Variants in PATJ observed in about 807,000 individuals in gnomAD.
PATJ encodes the protein PATJ crumbs cell polarity complex component.
In PATJ, 190 loss-of-function variants were observed where a neutral mutation model predicts 224.9. The ratio of observed to expected loss-of-function variants is 0.84; its 90% CI spans 0.75 to 0.95. The LOEUF (loss-of-function observed/expected upper bound fraction) is 0.95, where lower values mean the gene tolerates loss of function less well. Ranked by LOEUF, PATJ falls within the 40% of genes least tolerant of loss-of-function variation. PATJ has a pLI of 0.00. For missense variants in PATJ, 2,121 were observed against 2,270.3 expected (o/e 0.93, Z 1.34); for synonymous variants, 769 against 820.3 (o/e 0.94, Z 1.07).
intron 32 of PATJ, among the ~76,000 whole-genome samples, chr1:62,083,977 G>A (rs1659615025): frequency 6.6e-6 from 1 of 152,170 alleles, no homozygotes; most frequent in Non-Finnish European, 1.5e-5. Flanking sequence ...CTTTTAGCCA[G>A]GTGCAGTGGC....
At chr1:61,967,613 C>T (rs1401534636) in intron 27 of PATJ, among the ~76,000 whole-genome samples, 1 of 152,316 alleles carries the variant, frequency 6.6e-6, no homozygotes, top group African/African-American at 2.4e-5. Context: ...TAATCCTTCT[C>T]AGCTTCACTG....
Position 62,148,273 on chromosome 1 carries a change from T to A in PATJ, c.5272-11T>A. ...TTATAATGAAATACCTTTTTTTCAC[T>A]TTTTCCCCAGGTTGTAGCAGATACC... On this transcript the variant is annotated splice_polypyrimidine_tract_variant and intron_variant, in intron 41 of 43. Transcript: ENST00000642238. 6.3e-7 allele frequency: 1 copy of A among 1,598,054 alleles called. No individual in the cohort carries two copies. Among genetic ancestry groups the A allele is most frequent in the Non-Finnish European group, 8.6e-7 (1 of 1,165,608 alleles).
intron 25 of PATJ, among the ~76,000 whole-genome samples, chr1:61,912,069 G>A (rs1043310555): frequency 2.6e-5 from 4 of 151,078 alleles, no homozygotes; most frequent in Admixed American, 6.6e-5. Context: ...ATCATCACGT[G>A]TTGCTTTCTT....
chr1:62,131,677 G>A (rs555312723), intron 41 of PATJ, among the ~76,000 whole-genome samples: 6 of 151,944 alleles, frequency 3.9e-5, no homozygotes, highest in East Asian at 1.9e-4. Flanking sequence ...GAAACTAGCT[G>A]CTCGGAGGAT....
At chr1:61,744,872 C>T (rs1644946718) in intron 1 of PATJ, among the ~76,000 whole-genome samples, 1 of 152,310 alleles carries the variant, frequency 6.6e-6, no homozygotes. Context: ...CCATAACTCC[C>T]TCCTCTGGGT....
At chr1:61,783,232 A>G (rs1228179314) in intron 7 of PATJ, among the ~76,000 whole-genome samples, 1 of 152,226 alleles carries the variant, frequency 6.6e-6, no homozygotes, top group Non-Finnish European at 1.5e-5. Flanking sequence ...TGAGTAGGAT[A>G]GGATAGTTTC....
intron 21 of PATJ, among the ~76,000 whole-genome samples, chr1:61,881,370 A>G (rs1295634404): frequency 6.8e-6 from 1 of 148,050 alleles, no homozygotes; most frequent in Non-Finnish European, 1.5e-5. Flanking sequence ...CTATGGGGGC[A>G]GCTTCCCAGG....
intron 28 of PATJ, among the ~76,000 whole-genome samples, chr1:61,994,051 TA>T (rs139199633): frequency 6.6e-5 from 10 of 151,780 alleles, no homozygotes; most frequent in Non-Finnish European, 1.0e-4. Flanking sequence ...TTCTCTAGTT[TA>T]AAAAAAAATA....
chr1:61,979,627 T>TG (rs1313016594), intron 27 of PATJ, among the ~76,000 whole-genome samples: 6 of 144,298 alleles, frequency 4.2e-5, no homozygotes, highest in African/African-American at 1.6e-4. Context: ...CACTCCAGCC[T>TG]GGCGACAGAG....
At chr1:61,816,333 T>C (rs560818912) in intron 14 of PATJ, 2 of 152,232 alleles carry the variant, frequency 1.3e-5, no homozygotes, top group South Asian at 2.1e-4. Context: ...ATTTTTAATA[T>C]GGGAAACTTG....
At chr1:61,966,969 G>A (rs12725114) in intron 27 of PATJ, among the ~76,000 whole-genome samples, 35,572 of 152,018 alleles carry the variant, frequency 0.23, 4,679 homozygotes, top group African/African-American at 0.35. Context: ...TTTACTGCAA[G>A]CTGTTGTATC....
In PATJ at chr1:61,817,744, A is replaced by G. The variant is rs191510134; in HGVS notation, c.1684-5201A>G. Among the ~76,000 whole-genome samples, 383 of 152,356 alleles carry G rather than the reference A, an allele frequency of 2.5e-3. 2 individuals are homozygous for G. Among genetic ancestry groups the G allele is most frequent in the African/African-American group, 8.9e-3 (370 of 41,600 alleles). ...AGCTCTAATGGATCGTTTGTTTTGT[A>G]TAACCTCTGAGGGGGCACACCTAAG... On this transcript the variant is annotated intron_variant, in intron 14 of 43. Transcript: ENST00000642238.
chr1:61,819,739 A>G (rs1026172689), intron 14 of PATJ, among the ~76,000 whole-genome samples: 2 of 152,184 alleles, frequency 1.3e-5, no homozygotes, highest in Non-Finnish European at 2.9e-5. Flanking sequence ...GTGAGCTGAG[A>G]GGCAATGCAC....
At chr1:61,810,715 T>G (rs868578883) in intron 14 of PATJ, among the ~76,000 whole-genome samples, 1 of 147,620 alleles carries the variant, frequency 6.8e-6, no homozygotes, top group East Asian at 2.0e-4. Flanking sequence ...AATAAATAAA[T>G]AAATAAATAA....
intron 39 of PATJ, among the ~76,000 whole-genome samples, chr1:62,125,241 AAAAAAAAAAAAACAAAAAAAAAC>A (rs1665557111): frequency 8.9e-6 from 1 of 111,734 alleles, no homozygotes; most frequent in African/African-American, 3.5e-5. Flanking sequence ...TGTCTCAAAA[AAAAAAAAAAAAACAAAAAAAAAC>A]AAAAAAAAAA....
intron 29 of PATJ, among the ~76,000 whole-genome samples, chr1:62,030,474 C>T (rs1649014005): frequency 1.3e-5 from 2 of 152,064 alleles, no homozygotes; most frequent in Non-Finnish European, 2.9e-5. Flanking sequence ...ATATTCATTT[C>T]CAAGCCAACA....
chr1:61,856,183 A>G lies in PATJ; in HGVS notation c.2266A>G (p.Ile756Val). 6.2e-7 allele frequency: 1 copy of G among 1,614,190 alleles called. No homozygotes were observed. Among genetic ancestry groups the G allele is most frequent in the Non-Finnish European group, 8.5e-7 (1 of 1,180,024 alleles). Reference protein sequence around the residue: ...DNTSLAEAVEILKAVPPGLVH... With the variant: ...DNTSLAEAVEVLKAVPPGLVH... ...CACCTCACTTGCTGAAGCTGTGGAA[A>G]TATTGAAAGCTGTGCCACCAGGCCT... The change falls in exon 18 of 44, where the codon ATA (isoleucine) becomes GTA (valine). Residue 756 changes from isoleucine to valine, a missense_variant. Physicochemically the swap from Ile to Val is conservative, Grantham distance 29. Transcript: ENST00000642238.
At chr1:61,945,220 A>G (rs1419551394) in intron 27 of PATJ, among the ~76,000 whole-genome samples, 1 of 152,224 alleles carries the variant, frequency 6.6e-6, no homozygotes, top group Non-Finnish European at 1.5e-5. Context: ...AAATTCACAC[A>G]TAACAATATT....
intron 14 of PATJ, among the ~76,000 whole-genome samples, chr1:61,815,439 G>A (rs1427178173): frequency 2.6e-5 from 4 of 152,200 alleles, no homozygotes; most frequent in Non-Finnish European, 4.4e-5. Context: ...TTAGGTCCAG[G>A]CTGGAGGTTT....
Sources: allele counts gnomAD v4.1 joint callset (sites outside exome capture counted in the v4.1 genomes callset), GRCh38; gene constraint gnomAD v4.1.1; transcripts MANE v1.5; gene names NCBI Gene and HGNC (gene_info 2026-07-23, HGNC 2026-07-21).